The following OVCH2 variants were observed in gnomAD, a reference collection of about 807,000 sequenced individuals.
The protein encoded by OVCH2 is ovochymase 2, also known as ovochymase-2.
Under a neutral mutation model 73.7 loss-of-function variants are expected in OVCH2, and 88 were observed. That is an observed-to-expected ratio of 1.19 (90% CI 1.01 to 1.43). The LOEUF (loss-of-function observed/expected upper bound fraction) is 1.43, where lower values mean the gene tolerates loss of function less well. Ranked by LOEUF, OVCH2 falls within the 40% of genes most tolerant of loss-of-function variation. The probability of loss-of-function intolerance (pLI) is 0.00; values close to 1 mark genes in which losing one functional copy is unlikely to be tolerated. For missense variants in OVCH2, 706 were observed against 674.5 expected (o/e 1.05, Z -0.52); for synonymous variants, 265 against 234.5 (o/e 1.13, Z -1.19).
In OVCH2 at chr11:7,702,173, A is replaced by G. The variant is rs1366301658; in HGVS notation, c.447T>C (p.Ala149=). ...AATGTTTACCAAATTGGAAGGCTCC[A>G]GCCATCTTCAAAAGGGCAATATCAT... The part of the protein sequence containing the change: ...MDYDIALLKM[A]GAFQFGHFVG... The change falls in exon 4 of 16, where the codon GCT becomes GCC. Residue 149 remains alanine (A), a synonymous_variant. Transcript: ENST00000533663. The G allele has an allele frequency of 6.2e-7, 1 of 1,611,464 alleles. No individual in the cohort carries two copies.
chr11:7,695,420 C>A (rs1488700158), intron 11 of OVCH2, 150 bp downstream of exon 11: 1 of 933,858 alleles, frequency 1.1e-6, no homozygotes, highest in Non-Finnish European at 1.6e-6. Context: ...GGGGAGACTG[C>A]CCCCTGTTCT....
chr11:7,700,375 C>G lies in OVCH2; in HGVS notation c.822G>C (p.Arg274Ser), dbSNP rs781318540. 3.1e-6 allele frequency: 5 copies of G among 1,613,684 alleles called. No individual in the cohort carries two copies. The South Asian group carries it at 5.5e-5, about 18-fold the overall frequency. ...TCCCAGGGGATCCTTGATCACTTTT[C>G]CTCACATTGTTTCTCCAGCCTCGAC... ...GCGRGWRNNV[R>S]KSDQGSPGIF... Residue 274 changes from arginine (R) to serine (S), a missense_variant, in exon 7 of 16, where the codon AGG (arginine) becomes AGC (serine). By Grantham distance (110) the Arg-to-Ser change is moderately radical (BLOSUM62 -1). Transcript: ENST00000533663.
At chr11:7,689,771 C>T (rs560173151) in intron 15 of OVCH2, 153 bp downstream of exon 15, 13 of 693,646 alleles carry the variant, frequency 1.9e-5, no homozygotes, top group Non-Finnish European at 3.4e-5. Flanking sequence ...CTGTAACAAC[C>T]CTATCTCTAA....
At chr11:7,691,226 A>T (rs1467814650) in intron 14 of OVCH2, 43 bp downstream of exon 14, 1 of 1,559,928 alleles carries the variant, frequency 6.4e-7, no homozygotes, top group East Asian at 2.4e-5. Flanking sequence ...CATCACAAGG[A>T]TTAGAACTGG....
intron 12 of OVCH2, among the ~76,000 whole-genome samples, chr11:7,693,897 C>T (rs1293474947): frequency 6.6e-6 from 1 of 152,160 alleles, no homozygotes; most frequent in East Asian, 1.9e-4. Flanking sequence ...GGACTGGACA[C>T]CTCAGTTCTC....
intron 9 of OVCH2, 47 bp from the exon 10 acceptor site, chr11:7,696,636 CT>C (rs1177613023): frequency 6.8e-6 from 11 of 1,613,802 alleles, no homozygotes; most frequent in African/African-American, 6.7e-5. Context: ...CAGAAAACGA[CT>C]ATCACAGTCC....
At chr11:7,705,093 G>C (rs1167476738) in intron 1 of OVCH2, among the ~76,000 whole-genome samples, 2 of 152,096 alleles carry the variant, frequency 1.3e-5, no homozygotes, top group East Asian at 3.9e-4. Context: ...GTCCCTCCTG[G>C]AGGTCATCCT....
rs753331840 is a variant in OVCH2, at chr11:7,695,103, A to G, written c.1368T>C (p.Ala456=). 5.8e-6 allele frequency: 9 copies of G among 1,552,276 alleles called. No homozygotes were observed. Among genetic ancestry groups the G allele is most frequent in the Non-Finnish European group, 7.8e-6 (9 of 1,147,272 alleles). The change falls in exon 12 of 16, where the codon GCT becomes GCC. Residue 456 remains alanine (A), a synonymous_variant. Coordinates refer to ENST00000533663, the MANE Select transcript of OVCH2 (RefSeq NM_198185.7). ...LNYPENYSDK[A]NCDWIFQASK... The stretch of plus-strand genomic sequence containing the variant: ...AGGCTTGAAAAATCCAGTCACAGTT[A>G]GCCTTGTCACTGTAGTTTTCAGGAT...
At position 7,691,349 on chromosome 11, in the gene OVCH2, A is replaced by C; in HGVS notation, c.1559T>G (p.Ile520Ser). 6.2e-7 allele frequency: 1 copy of C among 1,613,886 alleles called. No homozygotes were observed. Among genetic ancestry groups the C allele is most frequent in the Non-Finnish European group, 8.5e-7 (1 of 1,179,844 alleles). Reference protein sequence around the residue: ...VPTPVLSPSSIMLISFQSDEN... With the variant: ...VPTPVLSPSSSMLISFQSDEN... ...ATCTGATTGGAAGCTGATGAGCATG[A>C]TGCTGGAGGGGCTCAGCACAGGGGT... The change falls in exon 14 of 16, where the codon ATC becomes AGC. Residue 520 changes from isoleucine (I) to serine (S), a missense_variant. Ile to Ser is a moderately radical substitution (Grantham distance 142, BLOSUM62 -2). Transcript: ENST00000533663.
At chr11:7,700,536 A>C in intron 6 of OVCH2, 51 bp from the exon 7 acceptor site, 1 of 1,532,804 alleles carries the variant, frequency 6.5e-7, no homozygotes, top group Non-Finnish European at 8.8e-7. Context: ...TCTATGCCCC[A>C]AAATGCTCAC....
rs540307375 is a variant in OVCH2 at position 7,690,005 on chromosome 11, C to A, written c.1648G>T (p.Asp550Tyr). The A allele has an allele frequency of 1.7e-5, 25 of 1,507,252 alleles. No homozygotes were observed. In the East Asian group the frequency reaches 3.4e-4, roughly 21 times the overall value. The allele number at this position is 1,507,252 out of a possible 1,614,324, so 93.4% of individuals were successfully genotyped here. Residue 550 changes from aspartate (D) to tyrosine (Y), a missense_variant, in exon 15 of 16, where the codon GAT becomes TAT. Coordinates refer to ENST00000533663, the MANE Select transcript of OVCH2 (RefSeq NM_198185.7). ...TCCTCTGATATGGAGATGTTTAAAT[C>A]TGGGTATACTGGGTATAAGTATGAT... ...VSFIPKAVYP[D>Y]LNISISEDES... is the part of the protein sequence containing the mutation.
At chr11:7,702,892 T>C (rs1856470585) in intron 3 of OVCH2, among the ~76,000 whole-genome samples, 1 of 152,226 alleles carries the variant, frequency 6.6e-6, no homozygotes, top group Non-Finnish European at 1.5e-5. Flanking sequence ...GATGCTTCTA[T>C]ACAAAATTGA....
At position 7,703,369 on chromosome 11, in the gene OVCH2, T is replaced by G. The variant is rs537507684; in HGVS notation, c.290+329A>C. Among the ~76,000 whole-genome samples, 6 of 152,316 alleles carry G rather than the reference T, an allele frequency of 3.9e-5. No individual in the cohort carries two copies. In the South Asian group the frequency reaches 1.2e-3, roughly 32 times the overall value. Reference sequence around the variant, plus strand: ...CTTCAGATGCATAATGAACTAGATATTTTTTCACTGAAATTTAAGAAAACT... The same window carrying G: ...CTTCAGATGCATAATGAACTAGATAGTTTTTCACTGAAATTTAAGAAAACT... On this transcript the variant is annotated intron_variant, in intron 3 of 15. Coordinates refer to ENST00000533663, the MANE Select transcript of OVCH2 (RefSeq NM_198185.7).
rs372580903 is a variant in OVCH2, at chr11:7,691,385, T to C, written c.1523A>G (p.Tyr508Cys). ...RKKEIARLCGYDVPTPVLSPS... is the reference protein window; with the variant it reads ...RKKEIARLCGCDVPTPVLSPS... ...GCTCAGCACAGGGGTGGGGACATCA[T>C]AGCCACACAGCCGAGCTTGTTGAAG... The change falls in exon 14 of 16, where the codon TAT becomes TGT. Residue 508 changes from tyrosine (Y) to cysteine (C), a missense_variant. Transcript: ENST00000533663. 495 of 1,612,984 alleles carry C rather than the reference T, an allele frequency of 3.1e-4. No homozygotes were observed. Among genetic ancestry groups the C allele is most frequent in the Non-Finnish European group, 3.9e-4 (465 of 1,179,466 alleles).
chr11:7,696,806 G>T lies in OVCH2; in HGVS notation c.926-7C>A. ...TCCTGCTCACTGCACCAGGCTGGGA[G>T]GGAAAGCCAGGAGAGTCAGGGTTAG... On this transcript the variant is annotated splice_region_variant and splice_polypyrimidine_tract_variant and intron_variant, in intron 8 of 15. Coordinates refer to ENST00000533663, the MANE Select transcript of OVCH2 (RefSeq NM_198185.7). 6.2e-7 allele frequency: 1 copy of T among 1,601,428 alleles called. No homozygotes were observed. Among genetic ancestry groups the T allele is most frequent in the East Asian group, 2.3e-5 (1 of 44,354 alleles).
chr11:7,684,148 C>T, the OVCH2 span, among the ~76,000 whole-genome samples: 2 of 152,022 alleles, frequency 1.3e-5, no homozygotes, highest in Admixed American at 6.6e-5. Flanking sequence ...TACCTGGATA[C>T]CTGGATGAGA....
intron 8 of OVCH2, 152 bp from the exon 9 acceptor site, chr11:7,696,951 T>G: frequency 1.4e-6 from 1 of 691,574 alleles, no homozygotes. Flanking sequence ...GCTTCTATGA[T>G]GCCTTTTTGG....
chr11:7,702,385 G>A (rs1856461333), intron 3 of OVCH2, 56 bp from the exon 4 acceptor site: 17 of 1,366,084 alleles, frequency 1.2e-5, no homozygotes, highest in Non-Finnish European at 1.5e-5. Context: ...GAGTACAGTT[G>A]CAATGGTTGA....
At chr11:7,699,522 T>TA (rs1367164356) in intron 7 of OVCH2, 3 of 152,396 alleles carry the variant, frequency 2.0e-5, no homozygotes, top group Admixed American at 2.0e-4. Context: ...AAATAGTTGT[T>TA]ACACTGTATT....
Sources: allele counts gnomAD v4.1 joint callset (sites outside exome capture counted in the v4.1 genomes callset), GRCh38; gene constraint gnomAD v4.1.1; transcripts MANE v1.5; gene names NCBI Gene and HGNC (gene_info 2026-07-23, HGNC 2026-07-21).